Variants in PSMD1 observed in about 807,000 individuals in gnomAD.
The protein encoded by PSMD1 is proteasome 26S subunit, non-ATPase 1, also known as 26S proteasome non-ATPase regulatory subunit 1.
Under a neutral mutation model 119.0 loss-of-function variants are expected in PSMD1, and 18 were observed. The observed-to-expected ratio is 0.15, with a 90% CI of 0.10 to 0.22. The LOEUF (loss-of-function observed/expected upper bound fraction) is 0.22, where lower values mean the gene tolerates loss of function less well. Among genes scored for constraint, PSMD1 ranks in the 10% least tolerant of loss-of-function variants. PSMD1 has a pLI of 1.00. For missense variants in PSMD1, 702 were observed against 1,158.5 expected (o/e 0.61, Z 5.72); for synonymous variants, 374 against 396.6 (o/e 0.94, Z 0.68).
chr2:231,128,260 C>G (rs1404572794), intron 16 of PSMD1, among the ~76,000 whole-genome samples: 1 of 152,156 alleles, frequency 6.6e-6, no homozygotes, highest in Non-Finnish European at 1.5e-5. Context: ...CATTTTCTGT[C>G]CTCATGTAAT....
intron 16 of PSMD1, among the ~76,000 whole-genome samples, chr2:231,132,064 GCA>G (rs1232354035): frequency 3.9e-5 from 6 of 152,050 alleles, no homozygotes; most frequent in Admixed American, 6.5e-5. Context: ...GTAAAGTTCT[GCA>G]TTAGGCTCCT....
chr2:231,150,580 A>G (rs1212496698), intron 18 of PSMD1, among the ~76,000 whole-genome samples: 2 of 152,148 alleles, frequency 1.3e-5, no homozygotes, highest in Non-Finnish European at 2.9e-5. Context: ...TATCCTACTT[A>G]GTATAAATAT....
At chr2:231,137,063 ATT>A (rs1049195796) in intron 16 of PSMD1, among the ~76,000 whole-genome samples, 3 of 144,818 alleles carry the variant, frequency 2.1e-5, no homozygotes, top group Admixed American at 1.4e-4. Flanking sequence ...AAATATATAT[ATT>A]TTTATGTATA....
At position 231,139,081 on chromosome 2, in the gene PSMD1, G is replaced by C. The variant is rs749774686; in HGVS notation, c.1998+231G>C. On this transcript the variant is annotated intron_variant, in intron 17 of 24. Transcript: ENST00000308696. Reference sequence around the variant, plus strand: ...TAGCTGTAACTGAAACAGTGCTTTTGAATTTCTTTTTGAAATCATTGATTT... The same window carrying C: ...TAGCTGTAACTGAAACAGTGCTTTTCAATTTCTTTTTGAAATCATTGATTT... 9.4e-5 allele frequency: 52 copies of C among 552,042 alleles called. 1 individual carries two copies. The highest frequency in any genetic ancestry group is 1.5e-4 in the Non-Finnish European group (46 of 302,290). 34.2% of individuals were successfully genotyped at this position (552,042 alleles called of 1,614,324 possible).
chr2:231,144,165 A>T (rs1032227207), intron 17 of PSMD1, among the ~76,000 whole-genome samples: 11 of 151,982 alleles, frequency 7.2e-5, no homozygotes, highest in Admixed American at 7.2e-4. Context: ...TCAAGTAGTC[A>T]TCCCACCTTG....
chr2:231,067,054 T>A lies in PSMD1; in HGVS notation c.453T>A (p.Ile151=), dbSNP rs1431149240. ...ATGATCACAAGTATAAACAGGCTAT[T>A]GGCATTGCTCTGGAGACACGAAGAC... ...CLDDHKYKQA[I]GIALETRRLD... Residue 151 remains isoleucine (I), a synonymous_variant, in exon 5 of 25, where the codon ATT becomes ATA. Transcript: ENST00000308696. 3.1e-6 allele frequency: 5 copies of A among 1,613,994 alleles called. No homozygotes were observed. The Admixed American group carries it at 8.3e-5, about 27-fold the overall frequency.
At chr2:231,072,073 C>T (rs764017806) in intron 6 of PSMD1, 116 bp from the exon 7 acceptor site, 9 of 774,092 alleles carry the variant, frequency 1.2e-5, no homozygotes, top group Non-Finnish European at 2.1e-6. Flanking sequence ...GATAGTCTGC[C>T]CTAGTTTGCC....
chr2:231,067,608 A>G (rs1003645839), intron 5 of PSMD1, among the ~76,000 whole-genome samples: 1 of 152,032 alleles, frequency 6.6e-6, no homozygotes, highest in Non-Finnish European at 1.5e-5. Context: ...TCTCATCTAG[A>G]TGAACCCTGC....
chr2:231,065,987 CA>C (rs1414947337), intron 4 of PSMD1, among the ~76,000 whole-genome samples: 1 of 152,152 alleles, frequency 6.6e-6, no homozygotes, highest in Admixed American at 6.5e-5. Context: ...TGTTTAGACA[CA>C]AATGCTATTG....
At chr2:231,147,735 A>G (rs939489122) in intron 18 of PSMD1, among the ~76,000 whole-genome samples, 1 of 152,246 alleles carries the variant, frequency 6.6e-6, no homozygotes, top group Non-Finnish European at 1.5e-5. Context: ...TTTAGTATCC[A>G]TGTATTAATT....
At position 231,165,936 on chromosome 2, in the gene PSMD1, G is replaced by A; in HGVS notation, c.2634G>A (p.Leu878=). 6.2e-7 allele frequency: 1 copy of A among 1,613,844 alleles called. No individual in the cohort carries two copies. The highest frequency in any genetic ancestry group is 8.5e-7 in the Non-Finnish European group (1 of 1,179,800). The change falls in exon 23 of 25, where the codon TTG becomes TTA. Residue 878 remains leucine, a synonymous_variant. Transcript: ENST00000308696. ...KKEPEPNFQL[L]DNPARVMPAQ... ...AACCTGAGCCAAACTTCCAGTTATT[G>A]GATAACCCAGCCCGAGTTATGCCTG...
chr2:231,120,829 T>C (rs1284438646), intron 16 of PSMD1, among the ~76,000 whole-genome samples: 3 of 152,354 alleles, frequency 2.0e-5, no homozygotes, highest in Admixed American at 6.5e-5. Context: ...GTACAAACGT[T>C]AGAAGTCCTA....
intron 4 of PSMD1, among the ~76,000 whole-genome samples, chr2:231,066,266 T>G (rs1245659115): frequency 6.6e-6 from 1 of 152,252 alleles, no homozygotes; most frequent in Non-Finnish European, 1.5e-5. Context: ...CTTTTAAACT[T>G]GTGGCACATT....
chr2:231,075,921 T>C (rs1325594523), intron 8 of PSMD1, among the ~76,000 whole-genome samples: 11 of 152,210 alleles, frequency 7.2e-5, no homozygotes, highest in African/African-American at 2.4e-4. Flanking sequence ...GTTGAGATTG[T>C]TACTTAATAA....
chr2:231,084,648 T>G (rs879770016), intron 14 of PSMD1, among the ~76,000 whole-genome samples: 8 of 152,148 alleles, frequency 5.3e-5, no homozygotes, highest in Non-Finnish European at 1.2e-4. Context: ...CACTCAGCAC[T>G]CAGTACCCAG....
At chr2:231,165,760 C>G (rs1268558795) in intron 22 of PSMD1, 111 bp from the exon 23 acceptor site, 14 of 928,250 alleles carry the variant, frequency 1.5e-5, no homozygotes, top group Middle Eastern at 3.3e-4. Context: ...TCCATTACTA[C>G]CGACCACTAC....
intron 16 of PSMD1, among the ~76,000 whole-genome samples, chr2:231,114,788 CA>C (rs1353137211): frequency 6.6e-6 from 1 of 152,114 alleles, no homozygotes; most frequent in Non-Finnish European, 1.5e-5. Flanking sequence ...AATTTACTTA[CA>C]CAGATGTTCA....
intron 4 of PSMD1, among the ~76,000 whole-genome samples, chr2:231,063,794 G>A (rs969208918): frequency 6.6e-6 from 1 of 151,096 alleles, no homozygotes; most frequent in East Asian, 1.9e-4. Flanking sequence ...GAAGCAGGGG[G>A]TGAAATACCT....
At chr2:231,137,894 C>A (rs1696011314) in intron 16 of PSMD1, among the ~76,000 whole-genome samples, 2 of 152,130 alleles carry the variant, frequency 1.3e-5, no homozygotes, top group South Asian at 4.1e-4. Flanking sequence ...GCAAAAAAAT[C>A]TTTTTATTGA....
Sources: allele counts gnomAD v4.1 joint callset (sites outside exome capture counted in the v4.1 genomes callset), GRCh38; gene constraint gnomAD v4.1.1; transcripts MANE v1.5; gene names NCBI Gene and HGNC (gene_info 2026-07-23, HGNC 2026-07-21).